Variants in CEP112 observed in about 807,000 individuals in gnomAD.
CEP112 encodes centrosomal protein of 112 kDa.
A neutral mutation model predicts 153.0 loss-of-function variants in CEP112; 127 were observed. That is an observed-to-expected ratio of 0.83 (90% confidence interval 0.72 to 0.96). CEP112 has a LOEUF of 0.96. Ranked by LOEUF, CEP112 falls within the 40% of genes least tolerant of loss-of-function variation. The pLI is 0.00. For missense variants in CEP112, 1,089 were observed against 1,101.2 expected, an observed-to-expected ratio of 0.99 and a Z score of 0.16; for synonymous variants, 358 against 374.4, an observed-to-expected ratio of 0.96 and a Z score of 0.51.
At chr17:66,033,567 TTC>T (rs1373617919) in intron 12 of CEP112, among the ~76,000 whole-genome samples, 2 of 152,164 alleles carry the variant, frequency 1.3e-5, no homozygotes, top group African/African-American at 4.8e-5. Flanking sequence ...TCATTTACTG[TTC>T]TCTCTGCCTA....
At chr17:66,133,327 A>C (rs2070285646) in intron 4 of CEP112, among the ~76,000 whole-genome samples, 1 of 152,200 alleles carries the variant, frequency 6.6e-6, no homozygotes, top group Non-Finnish European at 1.5e-5. Flanking sequence ...TAAGGTCAGC[A>C]AACTTGGTTG....
At chr17:65,804,303 T>C (rs1038394217) in intron 21 of CEP112, 1 of 152,134 alleles carries the variant, frequency 6.6e-6, no homozygotes, top group Admixed American at 6.6e-5. Flanking sequence ...AACACTGTTT[T>C]GTATTCTATG....
chr17:65,776,937 T>G (rs2145584308), intron 21 of CEP112, among the ~76,000 whole-genome samples: 1 of 152,360 alleles, frequency 6.6e-6, no homozygotes, highest in African/African-American at 2.4e-5. Context: ...CTTATTTTAA[T>G]TTGTATTTAT....
chr17:65,803,317 C>T (rs1169275158), intron 21 of CEP112, among the ~76,000 whole-genome samples: 2 of 152,172 alleles, frequency 1.3e-5, no homozygotes, highest in East Asian at 1.9e-4. Context: ...TGTTTGAAGC[C>T]ACTACACATT....
At chr17:65,638,598 G>A (rs2044909873) in intron 25 of CEP112, among the ~76,000 whole-genome samples, 1 of 152,126 alleles carries the variant, frequency 6.6e-6, no homozygotes, top group Non-Finnish European at 1.5e-5. Flanking sequence ...TGACCCATAG[G>A]ACAATTGATA....
chr17:65,792,509 C>T (rs570135311), intron 21 of CEP112, among the ~76,000 whole-genome samples: 24 of 151,862 alleles, frequency 1.6e-4, no homozygotes, highest in African/African-American at 5.3e-4. Context: ...ATGTCTCTTT[C>T]TCAAAGAAAA....
chr17:65,672,060 G>A (rs904587763), intron 24 of CEP112, among the ~76,000 whole-genome samples: 3 of 152,088 alleles, frequency 2.0e-5, no homozygotes, highest in African/African-American at 4.8e-5. Context: ...GAAATCAACT[G>A]AAAGATCATT....
chr17:66,031,677 G>C (rs1368071207), intron 12 of CEP112, among the ~76,000 whole-genome samples: 2 of 151,818 alleles, frequency 1.3e-5, no homozygotes, highest in East Asian at 1.9e-4. Flanking sequence ...GGCCAGGCTG[G>C]TTTCAAACCC....
chr17:65,928,527 T>C (rs1487185509), intron 18 of CEP112, among the ~76,000 whole-genome samples: 1 of 152,114 alleles, frequency 6.6e-6, no homozygotes, highest in Non-Finnish European at 1.5e-5. Context: ...CAAATATCCA[T>C]CAGTTGATAA....
At chr17:66,146,618 C>T (rs1435298522) in intron 4 of CEP112, among the ~76,000 whole-genome samples, 1 of 152,064 alleles carries the variant, frequency 6.6e-6, no homozygotes, top group East Asian at 1.9e-4. Context: ...CATCTGTCTC[C>T]AGATTTCAAC....
intron 23 of CEP112, among the ~76,000 whole-genome samples, chr17:65,694,511 G>A (rs2048267949): frequency 6.6e-6 from 1 of 152,146 alleles, no homozygotes; most frequent in Non-Finnish European, 1.5e-5. Context: ...TGTAAAGTGT[G>A]ATCTTTCTAA....
intron 18 of CEP112, among the ~76,000 whole-genome samples, chr17:65,949,430 C>T (rs1362667): frequency 0.48 from 72,786 of 151,838 alleles, 18,436 homozygotes; most frequent in East Asian, 0.89. Flanking sequence ...TCGAGGAGTC[C>T]GAATCTAGCA....
chr17:65,786,769 A>G (rs1598582326), intron 21 of CEP112, among the ~76,000 whole-genome samples: 2 of 151,724 alleles, frequency 1.3e-5, no homozygotes, highest in East Asian at 1.9e-4. Flanking sequence ...TATTTTTACT[A>G]GAGATAAGGT....
chr17:65,976,952 T>G (rs2063059488), intron 17 of CEP112, among the ~76,000 whole-genome samples: 1 of 152,066 alleles, frequency 6.6e-6, no homozygotes, highest in African/African-American at 2.4e-5. Context: ...TTGGCCAGGC[T>G]GTCTCAAACT....
chr17:66,189,895 G>A (rs867081100), intron 1 of CEP112, among the ~76,000 whole-genome samples: 3 of 152,140 alleles, frequency 2.0e-5, no homozygotes, highest in Middle Eastern at 6.8e-3. Context: ...AGCCAAGCAT[G>A]GTAGCATGCA....
intron 12 of CEP112, among the ~76,000 whole-genome samples, chr17:66,030,456 T>C (rs2065416793): frequency 6.6e-6 from 1 of 152,210 alleles, no homozygotes; most frequent in Non-Finnish European, 1.5e-5. Flanking sequence ...AATAGTATTT[T>C]TAAAGGAAAT....
At chr17:65,671,693 A>ATG (rs1237983613) in intron 24 of CEP112, among the ~76,000 whole-genome samples, 2 of 152,078 alleles carry the variant, frequency 1.3e-5, no homozygotes, top group Admixed American at 6.6e-5. Flanking sequence ...TTGTGTGTGT[A>ATG]TGTGTGTGTG....
chr17:65,679,129 C>CTTTTTTTTTTTTTTTTTTTTTTT lies in CEP112; in HGVS notation c.2697+9977_2697+9999dup, dbSNP rs57907674. Among the ~76,000 whole-genome samples, 9 of 31,630 alleles carry CTTTTTTTTTTTTTTTTTTTTTTT rather than the reference C, an allele frequency of 2.8e-4. 3 individuals are homozygous for CTTTTTTTTTTTTTTTTTTTTTTT. Among genetic ancestry groups the CTTTTTTTTTTTTTTTTTTTTTTT allele is most frequent in the Non-Finnish European group, 4.2e-4 (7 of 16,756 alleles). 20.8% of individuals were successfully genotyped at this position (31,630 alleles called of 152,430 possible). A position where few individuals can be genotyped will look rare whatever the true frequency, so the allele number is the denominator to read the frequency against. On this transcript the variant is annotated intron_variant, in intron 24 of 26. Transcript: ENST00000535342. ...AATGTCCTTGACACTGTGGTTCAAG[C>CTTTTTTTTTTTTTTTTTTTTTTT]TTTTTTTTTTTTTTTTTTTTTTTTT...
intron 21 of CEP112, among the ~76,000 whole-genome samples, chr17:65,816,266 CTAAGT>C (rs2056257106): frequency 6.6e-6 from 1 of 151,906 alleles, no homozygotes; most frequent in African/African-American, 2.4e-5. Flanking sequence ...TCACTACAGT[CTAAGT>C]TGTTTTTTAA....
Sources: allele counts gnomAD v4.1 joint callset (sites outside exome capture counted in the v4.1 genomes callset), GRCh38; gene constraint gnomAD v4.1.1; transcripts MANE v1.5; gene names NCBI Gene and HGNC (gene_info 2026-07-23, HGNC 2026-07-21).